The following PRKDC variants were observed in gnomAD, a reference collection of about 807,000 sequenced individuals.
PRKDC encodes DNA-dependent protein kinase catalytic subunit.
In PRKDC, 82 loss-of-function variants were observed where a neutral mutation model predicts 486.9. The observed-to-expected ratio is 0.17, with a 90% CI of 0.14 to 0.20. The LOEUF is 0.20. PRKDC is among the 10% of genes least tolerant of loss of function. The pLI is 1.00. For missense variants in PRKDC, 4,504 were observed against 5,038.2 expected, an observed-to-expected ratio of 0.89 and a Z score of 3.21; for synonymous variants, 1,895 against 1,837.0, an observed-to-expected ratio of 1.03 and a Z score of -0.81.
At chr8:47,800,016 A>C (rs2087066704) in intron 71 of PRKDC, among the ~76,000 whole-genome samples, 1 of 152,194 alleles carries the variant, frequency 6.6e-6, no homozygotes, top group Admixed American at 6.5e-5. Flanking sequence ...TTTTAATATT[A>C]AAAAATTTGT....
At chr8:47,835,222 G>A (rs1351621240) in intron 58 of PRKDC, among the ~76,000 whole-genome samples, 1 of 152,076 alleles carries the variant, frequency 6.6e-6, no homozygotes, top group Non-Finnish European at 1.5e-5. Context: ...AAATGAATTT[G>A]GTTTACCTCT....
intron 32 of PRKDC, 25 bp from the exon 33 acceptor site, chr8:47,889,247 C>T (rs778267845): frequency 1.3e-6 from 2 of 1,558,898 alleles, no homozygotes; most frequent in Non-Finnish European, 1.7e-6. Context: ...TTGATAAAAA[C>T]ACTTCGTCAG....
Position 47,857,162 on chromosome 8 carries a change from A to G in PRKDC, c.6603T>C (p.Thr2201=), listed in dbSNP as rs1462760836. 8 of 1,612,864 alleles carry G rather than the reference A, an allele frequency of 5.0e-6. No individual in the cohort carries two copies. Among genetic ancestry groups the G allele is most frequent in the South Asian group, 1.1e-5 (1 of 90,808 alleles). Residue 2201 remains threonine, a synonymous_variant, in exon 49 of 86, where the codon ACT becomes ACC. Transcript: ENST00000314191. The stretch of plus-strand genomic sequence containing the variant: ...AAGATGCATCAATCCTTACTGTTGG[A>G]GTGGCCAAGCCTGTCCATGAAAGAA... ...ATILSWTGLA[T]PTGVPKDEVL...
chr8:47,954,762 CA>C (rs2090675577), intron 4 of PRKDC, among the ~76,000 whole-genome samples: 1 of 152,082 alleles, frequency 6.6e-6, no homozygotes, highest in Non-Finnish European at 1.5e-5. Context: ...CAGAAGCCTA[CA>C]AAACCAAGGA....
intron 7 of PRKDC, among the ~76,000 whole-genome samples, chr8:47,944,484 T>TAAAAAAAAAAAAAAAAAAAAAAA (rs75220935): frequency 3.0e-5 from 3 of 99,012 alleles, no homozygotes; most frequent in African/African-American, 3.3e-5. Flanking sequence ...AGAAAAAAAT[T>TAAAAAAAAAAAAAAAAAAAAAAA]AAAAAAAAAA....
At chr8:47,935,941 A>C in intron 12 of PRKDC, 41 bp from the exon 13 acceptor site, 1 of 1,538,942 alleles carries the variant, frequency 6.5e-7, no homozygotes, top group Non-Finnish European at 8.9e-7. Context: ...AGAGGAGGTA[A>C]TCAATGAATA....
intron 30 of PRKDC, among the ~76,000 whole-genome samples, chr8:47,893,864 C>G (rs2089517844): frequency 6.6e-6 from 1 of 152,172 alleles, no homozygotes; most frequent in Non-Finnish European, 1.5e-5. Flanking sequence ...TAAACTTCTT[C>G]TAAATTAAAA....
At chr8:47,917,589 A>G (rs2090006183) in intron 22 of PRKDC, among the ~76,000 whole-genome samples, 1 of 152,182 alleles carries the variant, frequency 6.6e-6, no homozygotes, top group African/African-American at 2.4e-5. Flanking sequence ...AACTTGCCCC[A>G]AGGAATTATC....
chr8:47,831,733 T>C lies in PRKDC; in HGVS notation c.8265+81A>G. ...TGCAGGTGACATTGGAGGCAGTGTC[T>C]GGCAGGAAGCCTGTTCACTTCGTCT... On this transcript the variant is annotated intron_variant, in intron 60 of 85. Coordinates refer to ENST00000314191, the MANE Select transcript of PRKDC (RefSeq NM_006904.7). 3 of 1,457,350 alleles carry C rather than the reference T, an allele frequency of 2.1e-6. No homozygotes were observed. In the South Asian group the frequency reaches 3.4e-5, roughly 17 times the overall value. 90.3% of individuals were successfully genotyped at this position (1,457,350 alleles called of 1,614,324 possible). A position where few individuals can be genotyped will look rare whatever the true frequency, so the allele number is the denominator to read the frequency against.
intron 44 of PRKDC, among the ~76,000 whole-genome samples, chr8:47,861,605 A>G (rs2154500666): frequency 6.6e-6 from 1 of 152,354 alleles, no homozygotes; most frequent in African/African-American, 2.4e-5. Context: ...AGCAACCACC[A>G]CATTCTCACC....
intron 73 of PRKDC, among the ~76,000 whole-genome samples, chr8:47,796,822 G>A (rs967591091): frequency 6.6e-6 from 1 of 152,080 alleles, no homozygotes; most frequent in Non-Finnish European, 1.5e-5. Flanking sequence ...TCGAACTGCT[G>A]ACCTCGTGAT....
chr8:47,959,894 A>G, intron 1 of PRKDC, 79 bp downstream of exon 1: 1 of 1,501,734 alleles, frequency 6.7e-7, no homozygotes, highest in Non-Finnish European at 8.9e-7. Flanking sequence ...CTAAACACAG[A>G]GAAGCGCCGG....
At chr8:47,813,666 C>G (rs2087381282) in intron 68 of PRKDC, among the ~76,000 whole-genome samples, 1 of 152,056 alleles carries the variant, frequency 6.6e-6, no homozygotes, top group Non-Finnish European at 1.5e-5. Context: ...ACCTCTGCCT[C>G]CCGGGTTCAA....
At chr8:47,895,773 G>A (rs1246850199) in intron 30 of PRKDC, among the ~76,000 whole-genome samples, 1 of 152,204 alleles carries the variant, frequency 6.6e-6, no homozygotes, top group Non-Finnish European at 1.5e-5. Flanking sequence ...AGGCGTGGTA[G>A]CTCACACCTG....
chr8:47,910,862 G>T (rs1222158313), intron 25 of PRKDC, among the ~76,000 whole-genome samples: 3 of 151,696 alleles, frequency 2.0e-5, no homozygotes, highest in Non-Finnish European at 2.9e-5. Context: ...TTATGAATAA[G>T]ATGTTTATAG....
At chr8:47,804,227 T>C (rs1208164972) in intron 69 of PRKDC, among the ~76,000 whole-genome samples, 1 of 152,152 alleles carries the variant, frequency 6.6e-6, no homozygotes, top group African/African-American at 2.4e-5. Context: ...GGTTCATGCA[T>C]GTTGCAGCAC....
chr8:47,808,345 C>A (rs1337346852), intron 68 of PRKDC, among the ~76,000 whole-genome samples: 1 of 152,032 alleles, frequency 6.6e-6, no homozygotes, highest in South Asian at 2.1e-4. Flanking sequence ...CGGAGGCTTG[C>A]TATGTTGCCA....
intron 13 of PRKDC, 70 bp from the exon 14 acceptor site, chr8:47,935,128 AC>A (rs1312498287): frequency 1.0e-5 from 11 of 1,099,984 alleles, no homozygotes; most frequent in African/African-American, 6.5e-5. Context: ...ACAAAAAAAA[AC>A]AAACAGTCAT....
chr8:47,919,504 T>C (rs2090039757), intron 21 of PRKDC, among the ~76,000 whole-genome samples: 1 of 152,202 alleles, frequency 6.6e-6, no homozygotes, highest in Non-Finnish European at 1.5e-5. Context: ...AGTTCTGAGA[T>C]GTCCAGTGCA....
Sources: allele counts gnomAD v4.1 joint callset (sites outside exome capture counted in the v4.1 genomes callset), GRCh38; gene constraint gnomAD v4.1.1; transcripts MANE v1.5; gene names NCBI Gene and HGNC (gene_info 2026-07-23, HGNC 2026-07-21).